The following FOXP2 variants were observed in gnomAD, a reference collection of about 807,000 sequenced individuals.
The protein encoded by FOXP2 is forkhead box protein P2.
In FOXP2, 12 loss-of-function variants were observed where a neutral mutation model predicts 115.8. The observed-to-expected ratio is 0.10, with a 90% CI of 0.07 to 0.17. The LOEUF (loss-of-function observed/expected upper bound fraction) is 0.17, where lower values mean the gene tolerates loss of function less well. Ranked by LOEUF, FOXP2 falls within the 10% of genes least tolerant of loss-of-function variation. The pLI, the probability that FOXP2 is intolerant of heterozygous loss-of-function variation, is 1.00. For missense variants in FOXP2, 629 were observed against 843.5 expected (o/e 0.75, Z 3.15); for synonymous variants, 328 against 297.7 (o/e 1.10, Z -1.05).
chr7:114,310,326 C>T (rs1053882097), intron 2 of FOXP2, among the ~76,000 whole-genome samples: 17 of 152,156 alleles, frequency 1.1e-4, no homozygotes, highest in Admixed American at 2.6e-4. Flanking sequence ...GCCACTAGGT[C>T]TAGGCTAGCT....
At chr7:114,481,816 C>A (rs1033072609) in intron 2 of FOXP2, among the ~76,000 whole-genome samples, 3 of 144,326 alleles carry the variant, frequency 2.1e-5, no homozygotes, top group Non-Finnish European at 3.1e-5. Context: ...ATCTATATAT[C>A]TATCTATCTA....
chr7:114,317,557 C>CACCT (rs147169447), intron 2 of FOXP2, among the ~76,000 whole-genome samples: 1,964 of 152,260 alleles, frequency 0.013, 16 homozygotes, highest in Non-Finnish European at 0.019. Context: ...AAGCCACCAT[C>CACCT]ACCTCCTGCC....
At chr7:114,653,864 T>C in intron 9 of FOXP2, 62 bp from the exon 10 acceptor site, 1 of 1,475,416 alleles carries the variant, frequency 6.8e-7, no homozygotes, top group Non-Finnish European at 9.4e-7. Context: ...GATGTATCAC[T>C]GCAATAAAAT....
At chr7:114,150,227 A>T (rs987108886) in intron 1 of FOXP2, among the ~76,000 whole-genome samples, 1 of 152,038 alleles carries the variant, frequency 6.6e-6, no homozygotes, top group Non-Finnish European at 1.5e-5. Context: ...TCTTTTTAGC[A>T]TGCAACAAAA....
intron 15 of FOXP2, 59 bp from the exon 16 acceptor site, chr7:114,664,214 T>C: frequency 6.4e-7 from 1 of 1,569,868 alleles, no homozygotes; most frequent in Non-Finnish European, 8.7e-7. Flanking sequence ...GATACATGTT[T>C]TAAAAATTAT....
At chr7:114,388,396 T>C (rs761767902) in intron 2 of FOXP2, among the ~76,000 whole-genome samples, 35 of 108,602 alleles carry the variant, frequency 3.2e-4, no homozygotes, top group Non-Finnish European at 3.6e-4. Context: ...ACTTATCTCT[T>C]TTTTTTTTTT....
chr7:114,189,202 A>G (rs1296714639), intron 1 of FOXP2, among the ~76,000 whole-genome samples: 2 of 152,196 alleles, frequency 1.3e-5, no homozygotes, highest in African/African-American at 2.4e-5. Flanking sequence ...TCATTACCAT[A>G]TATCCAATTC....
At chr7:114,478,303 A>G (rs1796377580) in intron 2 of FOXP2, among the ~76,000 whole-genome samples, 1 of 151,788 alleles carries the variant, frequency 6.6e-6, no homozygotes, top group African/African-American at 2.4e-5. Flanking sequence ...CAAGCAAATC[A>G]AAGTATTTAT....
At chr7:114,318,626 C>T (rs1348958720) in intron 2 of FOXP2, among the ~76,000 whole-genome samples, 4 of 151,508 alleles carry the variant, frequency 2.6e-5, no homozygotes, top group African/African-American at 9.7e-5. Flanking sequence ...TACTCAAATA[C>T]ATTAAAGGAA....
At chr7:114,358,133 T>C (rs1791658591) in intron 2 of FOXP2, among the ~76,000 whole-genome samples, 1 of 152,142 alleles carries the variant, frequency 6.6e-6, no homozygotes, top group African/African-American at 2.4e-5. Flanking sequence ...GCTGTTCTCA[T>C]GATAGTGGAA....
At chr7:114,483,015 G>T (rs1231457149) in intron 2 of FOXP2, among the ~76,000 whole-genome samples, 1 of 151,638 alleles carries the variant, frequency 6.6e-6, no homozygotes, top group East Asian at 1.9e-4. Flanking sequence ...TGAAGCCACA[G>T]AATTCTTCAG....
chr7:114,177,690 A>G (rs1242700780), intron 1 of FOXP2, among the ~76,000 whole-genome samples: 2 of 152,010 alleles, frequency 1.3e-5, no homozygotes, highest in Non-Finnish European at 2.9e-5. Flanking sequence ...ATTGGCAAGT[A>G]CAGATTGTAT....
chr7:114,155,857 G>T (rs993220860), intron 1 of FOXP2, among the ~76,000 whole-genome samples: 1 of 152,050 alleles, frequency 6.6e-6, no homozygotes, highest in African/African-American at 2.4e-5. Context: ...TCAAATGTGC[G>T]GTTTGACCTT....
intron 1 of FOXP2, chr7:114,088,224 C>T (rs1220902623): frequency 1.3e-5 from 2 of 151,910 alleles, no homozygotes; most frequent in African/African-American, 2.4e-5. Context: ...ACTCTTCGCT[C>T]CCTGGTGGGC....
chr7:114,350,256 C>T (rs887047948), intron 2 of FOXP2, among the ~76,000 whole-genome samples: 1 of 151,958 alleles, frequency 6.6e-6, no homozygotes, highest in African/African-American at 2.4e-5. Context: ...GTTTTAAGTC[C>T]CTCATGCATT....
At chr7:114,295,197 G>T (rs1466405466) in intron 2 of FOXP2, among the ~76,000 whole-genome samples, 2 of 152,016 alleles carry the variant, frequency 1.3e-5, no homozygotes, top group African/African-American at 2.4e-5. Context: ...CCCTTTTAAT[G>T]GTCTTATTTG....
chr7:114,255,730 T>C (rs1795594146), intron 1 of FOXP2, among the ~76,000 whole-genome samples: 1 of 152,132 alleles, frequency 6.6e-6, no homozygotes, highest in Non-Finnish European at 1.5e-5. Flanking sequence ...TTCCTGACCC[T>C]TGTGCTTCCT....
rs1366122974 is a variant in FOXP2 at position 114,642,572 on chromosome 7, A to G, written c.938A>G (p.His313Arg). The change falls in exon 7 of 17, where the codon CAT (histidine) becomes CGT (arginine). Residue 313 changes from histidine to arginine, a missense_variant. By Grantham distance (29) the His-to-Arg change is conservative (BLOSUM62 0). This residue lies in a region of FOXP2 where 92 missense variants were observed against 80.1 expected (regional missense o/e 1.15). Transcript: ENST00000350908. ...NTSKASPPITHHSIVNGQSSV... is the reference protein window; with the variant it reads ...NTSKASPPITRHSIVNGQSSV... ...TCCAAAGCATCACCACCAATAACTCATCATTCCATAGTGAATGGACAGTCT... is the reference window on the plus strand; with the variant it reads ...TCCAAAGCATCACCACCAATAACTCGTCATTCCATAGTGAATGGACAGTCT... 6.2e-7 allele frequency: 1 copy of G among 1,613,366 alleles called. No individual in the cohort carries two copies. Among genetic ancestry groups the G allele is most frequent in the South Asian group, 1.1e-5 (1 of 91,068 alleles).
chr7:114,118,757 A>G (rs956477858), intron 1 of FOXP2, among the ~76,000 whole-genome samples: 5 of 152,126 alleles, frequency 3.3e-5, no homozygotes, highest in Admixed American at 6.6e-5. Context: ...TGTGGAAGAC[A>G]CATCTATGAA....
Sources: allele counts gnomAD v4.1 joint callset (sites outside exome capture counted in the v4.1 genomes callset), GRCh38; gene constraint gnomAD v4.1.1; regional missense constraint gnomAD v4.1.1; transcripts MANE v1.5; gene names NCBI Gene and HGNC (gene_info 2026-07-23, HGNC 2026-07-21).